Variants in EXO1 observed in about 807,000 individuals in gnomAD.
The protein encoded by EXO1 is exonuclease 1.
EXO1 carries 69 observed loss-of-function variants against 84.5 expected under a neutral mutation model. The ratio of observed to expected loss-of-function variants is 0.82; its 90% CI spans 0.67 to 1.00. The LOEUF is 1.00. Among genes scored for constraint, EXO1 ranks in the 50% least tolerant of loss-of-function variants. The pLI, the probability that EXO1 is intolerant of heterozygous loss-of-function variation, is 0.00. For synonymous variants in EXO1, 373 were observed against 366.1 expected (o/e 1.02, Z -0.21); for missense variants, 1,045 against 1,000.7 (o/e 1.04, Z -0.60).
At position 241,879,289 on chromosome 1, in the gene EXO1, G is replaced by A; in HGVS notation, c.2055G>A (p.Gln685=). ...AGGAAAGTGGAGAATTCTCACTGCA[G>A]AGTTCAAATGCATCAAAGCTTTCTC... ...QSQESGEFSL[Q]SSNASKLSQC... The change falls in exon 13 of 16, where the codon CAG becomes CAA. Residue 685 remains glutamine (Q), a synonymous_variant. Transcript: ENST00000366548. 6.2e-7 allele frequency: 1 copy of A among 1,604,594 alleles called. No individual in the cohort carries two copies. Among genetic ancestry groups the A allele is most frequent in the South Asian group, 1.1e-5 (1 of 88,596 alleles).
Position 241,857,790 on chromosome 1 carries a change from T to A in EXO1, c.543+308T>A, listed in dbSNP as rs4149897. Among the ~76,000 whole-genome samples, 768 of 152,256 alleles carry A rather than the reference T, an allele frequency of 5.0e-3. 6 individuals are homozygous for A. The highest frequency in any genetic ancestry group is 8.3e-3 in the Non-Finnish European group (562 of 68,020). On this transcript the variant is annotated intron_variant, in intron 7 of 15. Coordinates refer to ENST00000366548, the MANE Select transcript of EXO1 (RefSeq NM_130398.4). Reference sequence around the variant, plus strand: ...GGGTTTGTTATTGTTTTATGCAGATTCTTTAGTAGAATGTGGACGTACCAG... The same window carrying A: ...GGGTTTGTTATTGTTTTATGCAGATACTTTAGTAGAATGTGGACGTACCAG...
chr1:241,886,316 TA>T (rs1457402966), intron 15 of EXO1, among the ~76,000 whole-genome samples: 2 of 152,246 alleles, frequency 1.3e-5, no homozygotes, highest in Admixed American at 1.3e-4. Flanking sequence ...TCTATATAGT[TA>T]AATTTTTGTT....
rs1663277414 is a variant in EXO1, at chr1:241,889,775, T to G, written c.*175T>G. On this transcript the variant is annotated 3_prime_UTR_variant, in exon 16 of 16. Transcript: ENST00000366548. ...TTGGGTTGTGGTTTTTTTGCTCAGC[T>G]TTTTATATTTTTATAAGAAGCTAAA... The G allele has an allele frequency of 1.6e-6, 1 of 627,568 alleles. No individual in the cohort carries two copies. The highest frequency in any genetic ancestry group is 3.8e-4 in the Middle Eastern group (1 of 2,624). The allele number at this position is 627,568 out of a possible 1,614,324, so 38.9% of individuals were successfully genotyped here.
In EXO1 at chr1:241,879,266, G is replaced by C; in HGVS notation, c.2032G>C (p.Glu678Gln). The change falls in exon 13 of 16, where the codon GAA becomes CAA. Residue 678 changes from glutamate to glutamine, a missense_variant. Transcript: ENST00000366548. ...REEACSSQSQ[E>Q]SGEFSLQSSN... ...AGAGGCATGTTCTTCACAGTCCCAG[G>C]AAAGTGGAGAATTCTCACTGCAGAG... The C allele has an allele frequency of 6.2e-7, 1 of 1,601,688 alleles. No individual in the cohort carries two copies. The highest frequency in any genetic ancestry group is 8.5e-7 in the Non-Finnish European group (1 of 1,176,226).
intron 8 of EXO1, 50 bp from the exon 9 acceptor site, chr1:241,860,467 T>C: frequency 2.2e-6 from 3 of 1,335,784 alleles, no homozygotes; most frequent in Non-Finnish European, 3.2e-6. Flanking sequence ...GAGGATAATA[T>C]GTTCCCTGTT....
chr1:241,889,089 A>G (rs1175402029), intron 15 of EXO1, among the ~76,000 whole-genome samples: 2 of 151,308 alleles, frequency 1.3e-5, no homozygotes, highest in Middle Eastern at 3.2e-3. Context: ...AAAAAATAAT[A>G]ATAAGATTTA....
Position 241,857,341 on chromosome 1 carries a change from C to A in EXO1, c.406-4C>A, listed in dbSNP as rs1309447625. ...TAGAGATTCACTGTGATTCTCTCTT[C>A]TAGGCTGCCCGGTCTCAGGGGGTAG... On this transcript the variant is annotated splice_region_variant and splice_polypyrimidine_tract_variant and intron_variant, in intron 6 of 15. Coordinates refer to ENST00000366548, the MANE Select transcript of EXO1 (RefSeq NM_130398.4). 6.2e-7 allele frequency: 1 copy of A among 1,612,714 alleles called. No homozygotes were observed. Among genetic ancestry groups the A allele is most frequent in the South Asian group, 1.1e-5 (1 of 90,836 alleles).
intron 12 of EXO1, among the ~76,000 whole-genome samples, chr1:241,875,020 T>C (rs918278356): frequency 1.1e-4 from 17 of 152,230 alleles, no homozygotes; most frequent in Admixed American, 1.3e-4. Context: ...TATTTTTACT[T>C]GAGACAGAAT....
intron 13 of EXO1, among the ~76,000 whole-genome samples, chr1:241,881,495 C>T (rs764741804): frequency 4.1e-4 from 63 of 152,232 alleles, no homozygotes; most frequent in Admixed American, 1.7e-3. Flanking sequence ...AAAGTGGATG[C>T]GTTTTTTTCT....
At position 241,889,616 on chromosome 1, in the gene EXO1, A is replaced by G; in HGVS notation, c.*16A>G. ...ATTCCAGTAAATGCAGACTGCTGCA[A>G]AGCTTTTGCCTGCAAGAGAATCTGA... On this transcript the variant is annotated 3_prime_UTR_variant, in exon 16 of 16. Transcript: ENST00000366548. 6.2e-7 allele frequency: 1 copy of G among 1,613,658 alleles called. No homozygotes were observed. Among genetic ancestry groups the G allele is most frequent in the Non-Finnish European group, 8.5e-7 (1 of 1,179,626 alleles).
At chr1:241,861,357 TTTGG>T in intron 9 of EXO1, 45 bp from the exon 10 acceptor site, 2 of 916,070 alleles carry the variant, frequency 2.2e-6, no homozygotes, top group South Asian at 1.3e-5. Context: ...TATAATATCA[TTTGG>T]TTGGTTGTTA....
chr1:241,868,958 G>A (rs143831222), intron 11 of EXO1, among the ~76,000 whole-genome samples: 13 of 152,224 alleles, frequency 8.5e-5, no homozygotes, highest in African/African-American at 1.4e-4. Flanking sequence ...CCTTGCTCAC[G>A]TCACGTATTA....
At chr1:241,875,972 G>A (rs1242311438) in intron 12 of EXO1, among the ~76,000 whole-genome samples, 1 of 152,180 alleles carries the variant, frequency 6.6e-6, no homozygotes, top group Admixed American at 6.5e-5. Context: ...TTTTCCGCTG[G>A]GGTGAGAGTA....
chr1:241,881,084 G>A (rs1195426006), intron 13 of EXO1, among the ~76,000 whole-genome samples: 1 of 152,046 alleles, frequency 6.6e-6, no homozygotes, highest in Non-Finnish European at 1.5e-5. Flanking sequence ...CTGGATTGCA[G>A]TGGTACAATC....
At position 241,850,595 on chromosome 1, in the gene EXO1, G is replaced by T. The variant is rs1390712571; in HGVS notation, c.161+9G>T. 6.2e-7 allele frequency: 1 copy of T among 1,610,894 alleles called. No homozygotes were observed. On this transcript the variant is annotated intron_variant, in intron 4 of 15. Transcript: ENST00000366548. ...GGTGAACCTACTGATAGGTAAGTCT[G>T]GACCTTATGTTAATTCTTTGACAAT...
At chr1:241,849,407 G>A (rs1035857091) in intron 3 of EXO1, among the ~76,000 whole-genome samples, 191 bp downstream of exon 3, 31 of 152,120 alleles carry the variant, frequency 2.0e-4, no homozygotes, top group African/African-American at 6.8e-4. Context: ...GTATAGAAAG[G>A]GCTTAGGGGG....
chr1:241,885,162 G>A (rs1635489), intron 14 of EXO1, 152 bp from the exon 15 acceptor site: 257,699 of 273,400 alleles, frequency 0.94, 122,145 homozygotes, highest in Non-Finnish European at 0.97. Flanking sequence ...AGCCGAGATC[G>A]CACCACTGCA....
intron 13 of EXO1, among the ~76,000 whole-genome samples, chr1:241,880,410 G>A (rs1045332252): frequency 6.6e-6 from 1 of 152,126 alleles, no homozygotes; most frequent in African/African-American, 2.4e-5. Context: ...TACTTTGGAA[G>A]CGTTTAGCCA....
At chr1:241,856,962 C>T (rs3121389) in intron 6 of EXO1, among the ~76,000 whole-genome samples, 68,473 of 151,954 alleles carry the variant, frequency 0.45, 15,670 homozygotes, top group East Asian at 0.7. Flanking sequence ...GAGCCCAGAG[C>T]CCAGGAGGTC....
Sources: gnomAD v4.1 joint callset for allele counts (sites outside exome capture counted in the v4.1 genomes callset) on GRCh38, gnomAD v4.1.1 for gene constraint, MANE v1.5 for transcripts, NCBI Gene and HGNC (gene_info 2026-07-23, HGNC 2026-07-21) for gene names.